The following PSD3 variants were observed in gnomAD, a reference collection of about 807,000 sequenced individuals.
PSD3 encodes PH and SEC7 domain-containing protein 3.
A neutral mutation model predicts 105.5 loss-of-function variants in PSD3; 49 were observed. The observed-to-expected ratio is 0.46, with a 90% CI of 0.37 to 0.59. The LOEUF is 0.59. Ranked by LOEUF, PSD3 falls within the 20% of genes least tolerant of loss-of-function variation. The probability of loss-of-function intolerance (pLI) is 0.00; values close to 1 mark genes in which losing one functional copy is unlikely to be tolerated. For synonymous variants in PSD3, 557 were observed against 457.8 expected (o/e 1.22, Z -2.77); for missense variants, 1,561 against 1,263.8 (o/e 1.24, Z -3.57).
chr8:18,701,971 T>C (rs565215267), intron 9 of PSD3, among the ~76,000 whole-genome samples: 32 of 152,232 alleles, frequency 2.1e-4, no homozygotes, highest in African/African-American at 6.3e-4. Flanking sequence ...TTATGTGAAA[T>C]TACATGAAAG....
chr8:18,926,832 G>C (rs2129468004), intron 2 of PSD3, among the ~76,000 whole-genome samples: 1 of 152,178 alleles, frequency 6.6e-6, no homozygotes, highest in Admixed American at 6.5e-5. Context: ...TATGGCATCA[G>C]ATCCTACAGG....
At chr8:18,651,770 G>A (rs1808498132) in intron 10 of PSD3, among the ~76,000 whole-genome samples, 1 of 152,220 alleles carries the variant, frequency 6.6e-6, no homozygotes, top group African/African-American at 2.4e-5. Context: ...GAGCTGGACT[G>A]TGAAGGATGA....
chr8:19,066,596 A>G (rs1829082762), intron 1 of PSD3, among the ~76,000 whole-genome samples: 1 of 152,224 alleles, frequency 6.6e-6, no homozygotes. Context: ...CAGTCAATAC[A>G]GAACCTGGTG....
intron 9 of PSD3, among the ~76,000 whole-genome samples, chr8:18,715,288 T>C (rs1340190415): frequency 6.6e-6 from 1 of 152,148 alleles, no homozygotes; most frequent in African/African-American, 2.4e-5. Flanking sequence ...GAAAAAAACA[T>C]GCTAGTCACA....
Position 18,527,338 on chromosome 8 carries a change from T to C in PSD3, c.*8405A>G, listed in dbSNP as rs1799465866. The C allele has an allele frequency of 6.5e-6, 1 of 152,690 alleles. No homozygotes were observed. The highest frequency in any genetic ancestry group is 1.5e-5 in the Non-Finnish European group (1 of 68,044). The allele number at this position is 152,690 out of a possible 1,614,324, so 9.5% of individuals were successfully genotyped here. On this transcript the variant is annotated 3_prime_UTR_variant, in exon 16 of 16. Coordinates refer to ENST00000327040, the MANE Select transcript of PSD3 (RefSeq NM_015310.4). ...TTGTTGGATTTATTTCTTTCTAAAG[T>C]TTGTACATTTACATGTATCATATAC...
intron 8 of PSD3, among the ~76,000 whole-genome samples, chr8:18,795,861 T>C (rs562234728): frequency 1.3e-5 from 2 of 152,334 alleles, no homozygotes; most frequent in Non-Finnish European, 2.9e-5. Flanking sequence ...GACTTTCAAC[T>C]CTTACCTTGT....
chr8:18,835,559 C>G (rs1342366646), intron 4 of PSD3, among the ~76,000 whole-genome samples: 1 of 152,104 alleles, frequency 6.6e-6, no homozygotes, highest in Non-Finnish European at 1.5e-5. Flanking sequence ...AAGTAAAATA[C>G]GTAGTACGTT....
At chr8:18,822,919 GC>G (rs1448261928) in intron 4 of PSD3, among the ~76,000 whole-genome samples, 1 of 152,078 alleles carries the variant, frequency 6.6e-6, no homozygotes, top group African/African-American at 2.4e-5. Flanking sequence ...CTAGGTCCTG[GC>G]ACTACCTCAC....
chr8:18,550,099 A>G (rs980514175), intron 15 of PSD3, among the ~76,000 whole-genome samples: 1 of 152,170 alleles, frequency 6.6e-6, no homozygotes, highest in African/African-American at 2.4e-5. Flanking sequence ...TACCCAATAG[A>G]GTGACCCTTA....
intron 2 of PSD3, among the ~76,000 whole-genome samples, chr8:18,900,521 T>G (rs1028605662): frequency 3.9e-5 from 6 of 152,160 alleles, no homozygotes; most frequent in African/African-American, 1.4e-4. Flanking sequence ...GAATTTTCCC[T>G]GCTTCTTGGG....
chr8:18,694,012 G>C (rs142896440), intron 9 of PSD3, among the ~76,000 whole-genome samples: 279 of 152,182 alleles, frequency 1.8e-3, no homozygotes, highest in Admixed American at 4.3e-3. Context: ...GGAAAGATCT[G>C]AAAAAAGAAT....
rs187342692 is a variant in PSD3, at chr8:18,690,504, C to T, written c.2173-34819G>A. On this transcript the variant is annotated intron_variant, in intron 9 of 15. Transcript: ENST00000327040. Reference sequence around the variant, plus strand: ...CTAGTCTAGGGATCTATTTTGAACCCCAGCAGATGGTGGCAGCCTAGCTTC... The same window carrying T: ...CTAGTCTAGGGATCTATTTTGAACCTCAGCAGATGGTGGCAGCCTAGCTTC... 5.3e-5 allele frequency among the ~76,000 whole-genome samples: 8 copies of T among 152,216 alleles called. No homozygotes were observed. In the East Asian group the frequency reaches 1.5e-3, roughly 29 times the overall value.
At chr8:18,917,064 C>T (rs562915704) in intron 2 of PSD3, among the ~76,000 whole-genome samples, 1 of 152,246 alleles carries the variant, frequency 6.6e-6, no homozygotes, top group East Asian at 1.9e-4. Context: ...CACCTTACCC[C>T]CAAATCCTCC....
intron 10 of PSD3, among the ~76,000 whole-genome samples, chr8:18,648,278 T>C (rs1212592434): frequency 6.6e-6 from 1 of 152,184 alleles, no homozygotes; most frequent in African/African-American, 2.4e-5. Context: ...ACCAAAATGC[T>C]GATAGTGATA....
At chr8:18,916,324 A>G (rs1337400662) in intron 2 of PSD3, among the ~76,000 whole-genome samples, 4 of 60,266 alleles carry the variant, frequency 6.6e-5, no homozygotes, top group Non-Finnish European at 1.3e-4. Flanking sequence ...ATATATATAT[A>G]TATATATATA....
intron 9 of PSD3, among the ~76,000 whole-genome samples, chr8:18,664,925 A>T (rs1016819612): frequency 1.3e-5 from 2 of 152,332 alleles, no homozygotes; most frequent in Non-Finnish European, 2.9e-5. Flanking sequence ...ATGGTTTGCT[A>T]AATATTTTTA....
At chr8:18,889,745 T>G (rs1479280463) in intron 2 of PSD3, among the ~76,000 whole-genome samples, 2 of 152,156 alleles carry the variant, frequency 1.3e-5, no homozygotes, top group African/African-American at 4.8e-5. Flanking sequence ...AACAGTCATT[T>G]CCATGTCTGG....
intron 1 of PSD3, among the ~76,000 whole-genome samples, chr8:18,961,322 T>C (rs1030564178): frequency 6.6e-6 from 1 of 152,092 alleles, no homozygotes; most frequent in African/African-American, 2.4e-5. Context: ...CACAGCAATA[T>C]AGTACACAAA....
chr8:18,871,870 G>A lies in PSD3; in HGVS notation c.994C>T (p.Pro332Ser). 6.2e-7 allele frequency: 1 copy of A among 1,614,198 alleles called. No individual in the cohort carries two copies. Among genetic ancestry groups the A allele is most frequent in the South Asian group, 1.1e-5 (1 of 91,084 alleles). ...FETSLQRTAS[P>S]DSKESSKVPR... The stretch of plus-strand genomic sequence containing the variant: ...ACTTTGGAAGACTCTTTGCTGTCAG[G>A]AGAGGCTGTTCTTTGCAGTGATGTC... Residue 332 changes from proline to serine, a missense_variant, in exon 3 of 16, where the codon CCT (proline) becomes TCT (serine). Pro to Ser is a moderately conservative substitution (Grantham distance 74, BLOSUM62 -1). Coordinates refer to ENST00000327040, the MANE Select transcript of PSD3 (RefSeq NM_015310.4).
Sources: gnomAD v4.1 joint callset for allele counts (sites outside exome capture counted in the v4.1 genomes callset) on GRCh38, gnomAD v4.1.1 for gene constraint, MANE v1.5 for transcripts, NCBI Gene and HGNC (gene_info 2026-07-23, HGNC 2026-07-21) for gene names.